Variants in DOCK4 observed in about 807,000 individuals in gnomAD.
DOCK4 encodes the protein dedicator of cytokinesis protein 4.
In DOCK4, 97 loss-of-function variants were observed where a neutral mutation model predicts 268.1. That is an observed-to-expected ratio of 0.36 (90% CI 0.31 to 0.43). The LOEUF is 0.43. DOCK4 is among the 20% of genes least tolerant of loss of function. The probability of loss-of-function intolerance (pLI) is 1.00; values close to 1 mark genes in which losing one functional copy is unlikely to be tolerated. For missense variants in DOCK4, 2,145 were observed against 2,455.7 expected (o/e 0.87, Z 2.67); for synonymous variants, 954 against 887.2 (o/e 1.08, Z -1.34).
At chr7:112,140,673 G>GAA (rs34812342) in intron 1 of DOCK4, among the ~76,000 whole-genome samples, 76 of 147,132 alleles carry the variant, frequency 5.2e-4, no homozygotes, top group Non-Finnish European at 6.0e-4. Context: ...TTTAAATGCA[G>GAA]AAAAAAAAAA....
intron 1 of DOCK4, among the ~76,000 whole-genome samples, chr7:112,022,896 TTCAA>T (rs1284931585): frequency 6.6e-6 from 1 of 152,180 alleles, no homozygotes; most frequent in African/African-American, 2.4e-5. Flanking sequence ...CAAGTACCAC[TTCAA>T]TCAAAGAGGA....
chr7:111,791,100 A>ATATAT (rs67130458), intron 30 of DOCK4, among the ~76,000 whole-genome samples: 7 of 124,192 alleles, frequency 5.6e-5, no homozygotes, highest in African/African-American at 1.2e-4. Context: ...ATATATATAT[A>ATATAT]AAATAAATCA....
intron 23 of DOCK4, among the ~76,000 whole-genome samples, chr7:111,847,529 T>C (rs572611741): frequency 4.6e-4 from 70 of 152,280 alleles, no homozygotes; most frequent in African/African-American, 1.6e-3. Flanking sequence ...AAATTTCATC[T>C]TGAATTGTTC....
intron 12 of DOCK4, among the ~76,000 whole-genome samples, chr7:111,935,205 C>T (rs1041253080): frequency 6.6e-6 from 1 of 152,136 alleles, no homozygotes; most frequent in African/African-American, 2.4e-5. Flanking sequence ...ATCTCGGCCT[C>T]CCAAAGTGCT....
At chr7:111,729,721 C>T (rs921622009) in intron 52 of DOCK4, among the ~76,000 whole-genome samples, 1 of 152,158 alleles carries the variant, frequency 6.6e-6, no homozygotes, top group Non-Finnish European at 1.5e-5. Flanking sequence ...GGAGCCAGGG[C>T]CGCTGAGCAC....
At chr7:112,118,396 T>C (rs1215949858) in intron 1 of DOCK4, among the ~76,000 whole-genome samples, 1 of 152,162 alleles carries the variant, frequency 6.6e-6, no homozygotes, top group African/African-American at 2.4e-5. Flanking sequence ...ACAGGCAAGA[T>C]GATGATAAAG....
intron 36 of DOCK4, among the ~76,000 whole-genome samples, chr7:111,774,904 A>T (rs1162489582): frequency 6.6e-6 from 1 of 152,174 alleles, no homozygotes; most frequent in African/African-American, 2.4e-5. Flanking sequence ...ACAATACACA[A>T]ATAAGTGGGC....
chr7:111,741,296 G>C, intron 46 of DOCK4, 82 bp from the exon 47 acceptor site: 1 of 1,549,760 alleles, frequency 6.5e-7, no homozygotes, highest in Non-Finnish European at 8.8e-7. Context: ...TGAAACCAAA[G>C]GGGGGAAAAT....
chr7:111,974,399 C>T (rs546057642), intron 8 of DOCK4, among the ~76,000 whole-genome samples: 3 of 151,746 alleles, frequency 2.0e-5, no homozygotes, highest in East Asian at 3.9e-4. Context: ...GTGAGAGCCA[C>T]AGATAACCAA....
intron 1 of DOCK4, among the ~76,000 whole-genome samples, chr7:112,136,142 T>C (rs1373316226): frequency 6.6e-6 from 1 of 152,188 alleles, no homozygotes; most frequent in East Asian, 1.9e-4. Flanking sequence ...CCCAAATCAA[T>C]AGCTTGTAAA....
At chr7:111,999,707 A>G (rs183597955) in intron 3 of DOCK4, among the ~76,000 whole-genome samples, 29 of 152,136 alleles carry the variant, frequency 1.9e-4, no homozygotes, top group Non-Finnish European at 2.2e-4. Flanking sequence ...ATATTTAAGG[A>G]AAAAGGCAAA....
At chr7:111,997,326 T>C (rs1315629149) in intron 4 of DOCK4, among the ~76,000 whole-genome samples, 1 of 152,222 alleles carries the variant, frequency 6.6e-6, no homozygotes, top group Non-Finnish European at 1.5e-5. Context: ...AGAATTAGAA[T>C]TATGCTTTTA....
chr7:111,783,507 TC>T (rs1368747759), intron 34 of DOCK4, among the ~76,000 whole-genome samples: 4 of 152,196 alleles, frequency 2.6e-5, no homozygotes, highest in African/African-American at 9.7e-5. Flanking sequence ...TACATTGTTT[TC>T]ACCCTAAAAT....
chr7:112,049,696 A>G (rs1328188605), intron 1 of DOCK4, among the ~76,000 whole-genome samples: 1 of 152,204 alleles, frequency 6.6e-6, no homozygotes, highest in East Asian at 1.9e-4. Context: ...TAGCCAAAAG[A>G]AAGCTGGAGT....
chr7:111,808,652 G>C, intron 30 of DOCK4, 169 bp downstream of exon 30: 1 of 614,376 alleles, frequency 1.6e-6, no homozygotes, highest in Non-Finnish European at 2.7e-6. Flanking sequence ...TAAAGAATTT[G>C]TTGTAACCTC....
At chr7:111,893,800 C>A (rs1265459804) in intron 16 of DOCK4, among the ~76,000 whole-genome samples, 1 of 152,186 alleles carries the variant, frequency 6.6e-6, no homozygotes, top group African/African-American at 2.4e-5. Context: ...GTTTTGTTTG[C>A]CACTATTTTC....
intron 42 of DOCK4, 145 bp downstream of exon 42, chr7:111,755,370 T>C (rs983894019): frequency 4.0e-5 from 28 of 707,604 alleles, no homozygotes; most frequent in Non-Finnish European, 6.8e-5. Flanking sequence ...GCCTTGGTAA[T>C]AGCGGTCAAG....
At chr7:112,119,689 T>C (rs1487707735) in intron 1 of DOCK4, among the ~76,000 whole-genome samples, 1 of 152,166 alleles carries the variant, frequency 6.6e-6, no homozygotes, top group African/African-American at 2.4e-5. Flanking sequence ...CACCCTTCTG[T>C]GGCCTTGGGG....
intron 1 of DOCK4, among the ~76,000 whole-genome samples, chr7:112,184,706 G>A (rs147966280): frequency 2.0e-5 from 3 of 152,118 alleles, no homozygotes; most frequent in East Asian, 1.9e-4. Flanking sequence ...CCAGAAGTGT[G>A]AGCTAAGTCC....
Sources: gnomAD v4.1 joint callset for allele counts (sites outside exome capture counted in the v4.1 genomes callset) on GRCh38, gnomAD v4.1.1 for gene constraint, MANE v1.5 for transcripts, NCBI Gene and HGNC (gene_info 2026-07-23, HGNC 2026-07-21) for gene names.